ASPSCR1: variants seen among roughly 807,000 people sequenced by gnomAD.
ASPSCR1 encodes the protein ASPSCR1 tether for SLC2A4, UBX domain containing, also known as tether containing UBX domain for GLUT4.
In ASPSCR1, 55 loss-of-function variants were observed where a neutral mutation model predicts 68.9. That is an observed-to-expected ratio of 0.80 (90% CI 0.64 to 1.00). ASPSCR1 has a LOEUF of 1.00. Ranked by LOEUF, ASPSCR1 falls within the 50% of genes least tolerant of loss-of-function variation. The probability of loss-of-function intolerance (pLI) is 0.00; values close to 1 mark genes in which losing one functional copy is unlikely to be tolerated. For synonymous variants in ASPSCR1, 352 were observed against 332.6 expected (o/e 1.06, Z -0.63); for missense variants, 765 against 762.2 (o/e 1.00, Z -0.04).
Position 81,994,884 on chromosome 17 carries a change from C to T in ASPSCR1, c.432+6C>T, listed in dbSNP as rs760286696. 15 of 1,608,984 alleles carry T rather than the reference C, an allele frequency of 9.3e-6. No individual in the cohort carries two copies. Among genetic ancestry groups the T allele is most frequent in the Non-Finnish European group, 1.2e-5 (14 of 1,177,358 alleles). On this transcript the variant is annotated splice_donor_region_variant and intron_variant, in intron 5 of 15. Coordinates refer to ENST00000306739, the MANE Select transcript of ASPSCR1 (RefSeq NM_024083.4). ...GCGTGTACACGAGGGATGAGGTAGG[C>T]GGCCTGCTCTTGCTCACCCAGTCCC...
chr17:82,015,539 C>G, intron 12 of ASPSCR1: 2 of 789,284 alleles, frequency 2.5e-6, no homozygotes, highest in South Asian at 3.7e-5. Context: ...TGATGAGAAC[C>G]AGGTGCCTCT....
intron 7 of ASPSCR1, chr17:82,008,794 G>A (rs938119339): frequency 8.6e-6 from 4 of 466,762 alleles, no homozygotes; most frequent in Non-Finnish European, 1.5e-5. Flanking sequence ...ATCAGGTCTG[G>A]TGCACTGACT....
At chr17:82,009,666 C>T (rs12938990) in intron 9 of ASPSCR1, 99 bp downstream of exon 9, 32 of 461,172 alleles carry the variant, frequency 6.9e-5, no homozygotes, top group African/African-American at 1.9e-4. Context: ...CAGCTCTGAG[C>T]GGGCCCCCTG....
chr17:81,979,786 A>T (rs1311703451), intron 2 of ASPSCR1, among the ~76,000 whole-genome samples: 1 of 152,034 alleles, frequency 6.6e-6, no homozygotes, highest in South Asian at 2.1e-4. Flanking sequence ...CTGCAGGTGG[A>T]TCCCTGCAGT....
rs752748823 is a variant in ASPSCR1, at chr17:81,996,588, C to A, written c.675C>A (p.Cys225Ter). The A allele has an allele frequency of 6.2e-7, 1 of 1,611,464 alleles. No homozygotes were observed. The change falls in exon 7 of 16, where the codon TGC (cysteine) becomes TGA (stop). Residue 225 changes from cysteine (C) to a stop codon, truncating the protein, a stop_gained. Transcript: ENST00000306739. LOFTEE classifies it high-confidence loss of function. The part of the protein sequence containing the change: ...PEDADTSGPC[C>*]EHTQEKQSTR... ...ACGCGGACACCTCAGGGCCCTGCTG[C>A]GAGCACACTCAGGAGAAGCAGAGCA...
In ASPSCR1 at chr17:81,983,601, A is replaced by C. The variant is rs368146790; in HGVS notation, c.206A>C (p.Asn69Thr). Residue 69 changes from asparagine (N) to threonine (T), a missense_variant, in exon 3 of 16, where the codon AAC (asparagine) becomes ACC (threonine). Asn to Thr is a moderately conservative substitution (Grantham distance 65). Transcript: ENST00000306739. This position sits in a 1 kb window ranked among gnomAD's most constrained non-coding sequence, Gnocchi z 4.4. ...LDLSLQWRFA[N>T]LPNNAKLEMV... Reference sequence around the variant, plus strand: ...CTTTCTCTCCAGTGGAGATTTGCCAACCTGCCCAACAATGCCAAGCTGGAG... The same window carrying C: ...CTTTCTCTCCAGTGGAGATTTGCCACCCTGCCCAACAATGCCAAGCTGGAG... 1 of 1,613,600 alleles carries C rather than the reference A, an allele frequency of 6.2e-7. No homozygotes were observed. Among genetic ancestry groups the C allele is most frequent in the East Asian group, 2.2e-5 (1 of 44,838 alleles).
At position 82,011,619 on chromosome 17, in the gene ASPSCR1, C is replaced by T. The variant is rs754342953; in HGVS notation, c.1300+14C>T. 3 of 1,603,338 alleles carry T rather than the reference C, an allele frequency of 1.9e-6. No homozygotes were observed. Among genetic ancestry groups the T allele is most frequent in the Non-Finnish European group, 1.7e-6 (2 of 1,176,120 alleles). Reference sequence around the variant, plus strand: ...CATTTTACCTGTGTACGTTTTTTCTCCTGAGCCCACTCCTGCCTCCAGTGC... The same window carrying T: ...CATTTTACCTGTGTACGTTTTTTCTTCTGAGCCCACTCCTGCCTCCAGTGC... On this transcript the variant is annotated intron_variant, in intron 11 of 15. Coordinates refer to ENST00000306739, the MANE Select transcript of ASPSCR1 (RefSeq NM_024083.4).
At chr17:82,015,469 G>A (rs1298810365) in intron 12 of ASPSCR1, 8 of 1,350,104 alleles carry the variant, frequency 5.9e-6, no homozygotes, top group African/African-American at 2.9e-5. Flanking sequence ...AGTCCTGCCC[G>A]CCCCTTTCTG....
intron 7 of ASPSCR1, chr17:82,008,810 AG>A (rs1055316327): frequency 2.0e-6 from 1 of 494,272 alleles, no homozygotes; most frequent in African/African-American, 2.0e-5. Context: ...TGACTGGGAG[AG>A]GGGGGTCTCC....
intron 2 of ASPSCR1, among the ~76,000 whole-genome samples, chr17:81,982,889 C>G (rs2041841099): frequency 6.6e-6 from 1 of 152,142 alleles, no homozygotes; most frequent in South Asian, 2.1e-4. Flanking sequence ...TCTTGCCTCA[C>G]TGCAGCCTCT....
At chr17:81,992,682 G>A (rs2042211206) in intron 4 of ASPSCR1, among the ~76,000 whole-genome samples, 1 of 152,212 alleles carries the variant, frequency 6.6e-6, no homozygotes, top group African/African-American at 2.4e-5. Context: ...CTCTGCCTCT[G>A]TCCGGGTTCT....
At position 82,016,552 on chromosome 17, in the gene ASPSCR1, T is replaced by C. The variant is rs561908681; in HGVS notation, c.1405+25T>C. The C allele has an allele frequency of 2.7e-5, 42 of 1,549,044 alleles. No individual in the cohort carries two copies. The East Asian group carries it at 6.6e-4, about 24-fold the overall frequency. ...GGTGAGTGTCAGTGGTTGGGGCCAG[T>C]GTCGGAGTCCAGCCAGCCTGTCCCT... On this transcript the variant is annotated intron_variant, in intron 13 of 15. Coordinates refer to ENST00000306739, the MANE Select transcript of ASPSCR1 (RefSeq NM_024083.4).
intron 5 of ASPSCR1, among the ~76,000 whole-genome samples, chr17:81,995,760 G>T (rs972405288): frequency 6.6e-6 from 1 of 152,234 alleles, no homozygotes; most frequent in Non-Finnish European, 1.5e-5. Flanking sequence ...AGACCAGGCT[G>T]GGGGAGACAC....
rs1415168921 is a variant in ASPSCR1 at position 82,016,716 on chromosome 17, G to T, written c.1406-84G>T. 2.6e-6 allele frequency: 4 copies of T among 1,511,452 alleles called. No homozygotes were observed. In the African/African-American group the frequency reaches 5.5e-5, roughly 21 times the overall value. 93.6% of individuals were successfully genotyped at this position (1,511,452 alleles called of 1,614,324 possible). On this transcript the variant is annotated intron_variant, in intron 13 of 15. Coordinates refer to ENST00000306739, the MANE Select transcript of ASPSCR1 (RefSeq NM_024083.4). Reference sequence around the variant, plus strand: ...ACCTGCTGGCCACCCCCCTCCCAGAGCTGAGTGCTGGTGGGCAGATGCTGG... The same window carrying T: ...ACCTGCTGGCCACCCCCCTCCCAGATCTGAGTGCTGGTGGGCAGATGCTGG...
At chr17:81,998,210 ATCT>A (rs1397743706) in intron 7 of ASPSCR1, among the ~76,000 whole-genome samples, 2 of 152,132 alleles carry the variant, frequency 1.3e-5, no homozygotes, top group Non-Finnish European at 2.9e-5. Context: ...GGCTCAAGCG[ATCT>A]TCTTATCTCA....
intron 4 of ASPSCR1, among the ~76,000 whole-genome samples, chr17:81,989,075 G>GCGCA: frequency 6.6e-6 from 1 of 152,304 alleles, no homozygotes; most frequent in African/African-American, 2.4e-5. Flanking sequence ...GGGTGTGGTG[G>GCGCA]TGAGGGCCTG....
rs568917341 is a variant in ASPSCR1 at position 81,999,199 on chromosome 17, C to G, written c.933+2353C>G. ...GATGGGAGGAGGCTGTTTCCCAGCC[C>G]CTGTGTCCCCTGAGGGCCAGGCTGC... On this transcript the variant is annotated intron_variant, in intron 7 of 15. Coordinates refer to ENST00000306739, the MANE Select transcript of ASPSCR1 (RefSeq NM_024083.4). The surrounding 1 kb of genome is among the most constrained non-coding windows in gnomAD (Gnocchi z 4.4). Among the ~76,000 whole-genome samples, 1 of 152,238 alleles carries G rather than the reference C, an allele frequency of 6.6e-6. No individual in the cohort carries two copies. Among genetic ancestry groups the G allele is most frequent in the Non-Finnish European group, 1.5e-5 (1 of 68,042 alleles).
chr17:81,994,747 T>A (rs2042279955), intron 4 of ASPSCR1, 74 bp from the exon 5 acceptor site: 6 of 1,492,292 alleles, frequency 4.0e-6, no homozygotes, highest in Non-Finnish European at 5.6e-6. Flanking sequence ...TTTCCGAGTC[T>A]CCTGCCCCAG....
intron 2 of ASPSCR1, among the ~76,000 whole-genome samples, chr17:81,981,422 A>G (rs2041791698): frequency 1.3e-5 from 2 of 152,176 alleles, no homozygotes; most frequent in South Asian, 4.1e-4. Flanking sequence ...TCTGTCACAC[A>G]GGCTGTAGTA....
Sources: allele counts gnomAD v4.1 joint callset (sites outside exome capture counted in the v4.1 genomes callset), GRCh38; gene constraint gnomAD v4.1.1; non-coding constraint Gnocchi (gnomAD v3.1); transcripts MANE v1.5; gene names NCBI Gene and HGNC (gene_info 2026-07-23, HGNC 2026-07-21).